The following DPP9 variants were observed in gnomAD, a reference collection of about 807,000 sequenced individuals.
DPP9 encodes the protein dipeptidyl peptidase 9.
A neutral mutation model predicts 110.7 loss-of-function variants in DPP9; 50 were observed. The ratio of observed to expected loss-of-function variants is 0.45; its 90% CI spans 0.36 to 0.57. DPP9 has a LOEUF of 0.57. Ranked by LOEUF, DPP9 falls within the 20% of genes least tolerant of loss-of-function variation. The pLI is 0.00. For missense variants in DPP9, 1,022 were observed against 1,217.9 expected (o/e 0.84, Z 2.39); for synonymous variants, 561 against 514.4 (o/e 1.09, Z -1.23).
chr19:4,688,778 C>T lies in DPP9; in HGVS notation c.1864G>A (p.Ala622Thr). The T allele has an allele frequency of 6.8e-7, 1 of 1,462,148 alleles. No individual in the cohort carries two copies. Among genetic ancestry groups the T allele is most frequent in the Non-Finnish European group, 9.0e-7 (1 of 1,112,578 alleles). The allele number at this position is 1,462,148 out of a possible 1,614,324, so 90.6% of individuals were successfully genotyped here. Residue 622 changes from alanine to threonine, a missense_variant, in exon 16 of 22, where the codon GCT becomes ACT. Ala to Thr is a moderately conservative substitution (Grantham distance 58, BLOSUM62 0). Coordinates refer to ENST00000262960, the MANE Select transcript of DPP9 (RefSeq NM_139159.5). ...DPLHKQPRFW[A>T]SMMEAASCPP... ...TCACTGGCTGCCTCCATCATGCTAGCCCAGAAGCGGGGCTGCTTGTGCAGG... is the reference window on the plus strand; with the variant it reads ...TCACTGGCTGCCTCCATCATGCTAGTCCAGAAGCGGGGCTGCTTGTGCAGG...
At chr19:4,679,316 G>GC (rs2089431135) in intron 21 of DPP9, 1 of 154,858 alleles carries the variant, frequency 6.5e-6, no homozygotes, top group African/African-American at 2.5e-5. Flanking sequence ...CCTAGACTGA[G>GC]CCCCACGTTG....
chr19:4,711,981 A>C (rs2092857216), intron 4 of DPP9, among the ~76,000 whole-genome samples: 1 of 152,002 alleles, frequency 6.6e-6, no homozygotes, highest in Admixed American at 6.6e-5. Context: ...GGCCCTGAGG[A>C]AACCTTGATC....
Position 4,694,800 on chromosome 19 carries a change from G to T in DPP9, c.1377C>A (p.Phe459Leu). Residue 459 changes from phenylalanine to leucine, a missense_variant, in exon 13 of 22, where the codon TTC (phenylalanine) becomes TTA (leucine). Coordinates refer to ENST00000262960, the MANE Select transcript of DPP9 (RefSeq NM_139159.5). The surrounding 1 kb of genome is among the most constrained non-coding windows in gnomAD (Gnocchi z 4.0). ...GCTCGTCCTCTCCCTCTGATTGGGG[G>T]AAGGGATAGAAGATGTCATGAACCT... ...WINVHDIFYP[F>L]PQSEGEDELC... 1 of 1,613,896 alleles carries T rather than the reference G, an allele frequency of 6.2e-7. No individual in the cohort carries two copies. The highest frequency in any genetic ancestry group is 8.5e-7 in the Non-Finnish European group (1 of 1,179,876).
Position 4,685,666 on chromosome 19 carries a change from T to A in DPP9, c.1991A>T (p.Lys664Met). The change falls in exon 17 of 22, where the codon AAG (lysine) becomes ATG (methionine). Residue 664 changes from lysine (K) to methionine (M), a missense_variant. Lys to Met is a moderately conservative substitution (Grantham distance 95). Around this residue, in one of 3 missense-constraint regions of DPP9, gnomAD observed 810 missense variants for 920.6 expected, o/e 0.88. Coordinates refer to ENST00000262960, the MANE Select transcript of DPP9 (RefSeq NM_139159.5). The surrounding 1 kb of genome is among the most constrained non-coding windows in gnomAD (Gnocchi z 5.8). ...IYKPHALQPG[K>M]KHPTVLFVYG... ...TACAAAGAGGACGGTGGGGTGCTTC[T>A]TCCCTGGCTGCAAGGCGTGGGGCTT... The A allele has an allele frequency of 6.2e-7, 1 of 1,612,614 alleles. No individual in the cohort carries two copies. Among genetic ancestry groups the A allele is most frequent in the East Asian group, 2.2e-5 (1 of 44,830 alleles).
rs1287456612 is a variant in DPP9 at position 4,704,296 on chromosome 19, G to A, written c.435C>T (p.Pro145=). 6 of 1,612,434 alleles carry A rather than the reference G, an allele frequency of 3.7e-6. No individual in the cohort carries two copies. The East Asian group carries it at 1.3e-4, about 36-fold the overall frequency. Residue 145 remains proline, a synonymous_variant, in exon 6 of 22, where the codon CCC becomes CCT. Coordinates refer to ENST00000262960, the MANE Select transcript of DPP9 (RefSeq NM_139159.5). This position sits in a 1 kb window ranked among gnomAD's most constrained non-coding sequence, Gnocchi z 6.0. ...CCTCCCGAGAGTAGACCCCATGGTG[G>A]GGCGTGGCCTGGAAACATACAGGGG... ...KQMLDHFQAT[P]HHGVYSREEE...
At chr19:4,707,079 G>C (rs1222319747) in intron 4 of DPP9, among the ~76,000 whole-genome samples, 1 of 152,192 alleles carries the variant, frequency 6.6e-6, no homozygotes, top group African/African-American at 2.4e-5. Context: ...AGCTTCTGTA[G>C]AAAATGACGG....
At chr19:4,707,371 A>G (rs1443145216) in intron 4 of DPP9, among the ~76,000 whole-genome samples, 2 of 152,184 alleles carry the variant, frequency 1.3e-5, no homozygotes, top group African/African-American at 4.8e-5. Flanking sequence ...TGGCAGAAGC[A>G]GGATGGTAAC....
chr19:4,686,782 A>AG (rs1392725764), intron 16 of DPP9, among the ~76,000 whole-genome samples: 3 of 152,134 alleles, frequency 2.0e-5, no homozygotes, highest in Non-Finnish European at 2.9e-5. Context: ...AGGGTACTAC[A>AG]GGTCTAGGGG....
In DPP9 at chr19:4,694,828, C is replaced by T. The variant is rs369148903; in HGVS notation, c.1354-5G>A. On this transcript the variant is annotated splice_region_variant and splice_polypyrimidine_tract_variant and intron_variant, in intron 12 of 21. Coordinates refer to ENST00000262960, the MANE Select transcript of DPP9 (RefSeq NM_139159.5). The surrounding 1 kb of genome is among the most constrained non-coding windows in gnomAD (Gnocchi z 4.0). ...GGGATAGAAGATGTCATGAACCTGT[C>T]CGGAAAGCAGATAGAAGATGCGTCA... 2.5e-5 allele frequency: 41 copies of T among 1,613,422 alleles called. No homozygotes were observed. Among genetic ancestry groups the T allele is most frequent in the Non-Finnish European group, 3.1e-5 (36 of 1,179,756 alleles).
intron 19 of DPP9, chr19:4,683,044 G>A (rs1445106550): frequency 1.1e-5 from 16 of 1,511,970 alleles, no homozygotes; most frequent in South Asian, 8.5e-5. Flanking sequence ...CGCCACAGGC[G>A]GGCAGGTGCG....
chr19:4,702,195 G>A (rs549155603), intron 8 of DPP9, 40 bp from the exon 9 acceptor site: 5 of 1,582,546 alleles, frequency 3.2e-6, no homozygotes, highest in East Asian at 4.5e-5. Flanking sequence ...GGGTGCCAGA[G>A]GCAGAGTCCC....
chr19:4,684,231 C>T lies in DPP9; in HGVS notation c.2178+432G>A. 2 of 272,004 alleles carry T rather than the reference C, an allele frequency of 7.4e-6. No homozygotes were observed. Among genetic ancestry groups the T allele is most frequent in the Non-Finnish European group, 1.4e-5 (2 of 138,862 alleles). 16.8% of individuals were successfully genotyped at this position (272,004 alleles called of 1,614,324 possible). A position where few individuals can be genotyped will look rare whatever the true frequency, so the allele number is the denominator to read the frequency against. ...CTGCCGTGTAGGAAGCAGCACAGGGCCTCTCTGGAGGGTTGCTGACCAGGC... is the reference window on the plus strand; with the variant it reads ...CTGCCGTGTAGGAAGCAGCACAGGGTCTCTCTGGAGGGTTGCTGACCAGGC... On this transcript the variant is annotated intron_variant, in intron 18 of 21. Coordinates refer to ENST00000262960, the MANE Select transcript of DPP9 (RefSeq NM_139159.5). The surrounding 1 kb of genome is among the most constrained non-coding windows in gnomAD (Gnocchi z 4.8).
rs2088803592 is a variant in DPP9 at position 4,676,077 on chromosome 19, T to G, written c.*487A>C. 2 of 160,880 alleles carry G rather than the reference T, an allele frequency of 1.2e-5. No homozygotes were observed. Among genetic ancestry groups the G allele is most frequent in the Non-Finnish European group, 2.7e-5 (2 of 73,332 alleles). The allele number at this position is 160,880 out of a possible 1,614,324, so 10.0% of individuals were successfully genotyped here. A position where few individuals can be genotyped will look rare whatever the true frequency, so the allele number is the denominator to read the frequency against. ...CGTGAGCCACCGCGCCCGGCCTGTC[T>G]TTTAAATAATTATGAAAAATATCCC... On this transcript the variant is annotated 3_prime_UTR_variant, in exon 22 of 22. Transcript: ENST00000262960. The surrounding 1 kb of genome is among the most constrained non-coding windows in gnomAD (Gnocchi z 4.0).
intron 11 of DPP9, among the ~76,000 whole-genome samples, chr19:4,696,550 C>T (rs1188218750): frequency 4.0e-5 from 6 of 151,826 alleles, no homozygotes; most frequent in Admixed American, 6.6e-5. Context: ...CACAAGGTCA[C>T]GAGTTTGAGA....
chr19:4,688,617 T>A (rs1320571028), intron 16 of DPP9, 140 bp downstream of exon 16: 1 of 1,106,270 alleles, frequency 9.0e-7, no homozygotes, highest in East Asian at 3.2e-5. Flanking sequence ...AGTTCCCAGA[T>A]GCTTGGAGGG....
chr19:4,711,584 C>A (rs1192461795), intron 4 of DPP9, among the ~76,000 whole-genome samples: 1 of 151,754 alleles, frequency 6.6e-6, no homozygotes, highest in Non-Finnish European at 1.5e-5. Context: ...ACCAGCCTGG[C>A]CAACATGGAG....
intron 10 of DPP9, among the ~76,000 whole-genome samples, chr19:4,699,917 C>A (rs980736181): frequency 6.6e-6 from 1 of 152,336 alleles, no homozygotes; most frequent in South Asian, 2.1e-4. Flanking sequence ...GGCCTGGGAG[C>A]ACCTGCCGCG....
At chr19:4,678,477 C>G (rs1277246803) in intron 21 of DPP9, among the ~76,000 whole-genome samples, 3 of 152,216 alleles carry the variant, frequency 2.0e-5, no homozygotes, top group Non-Finnish European at 4.4e-5. Context: ...TTATCATGAC[C>G]GTTTCAAAGA....
In DPP9 at chr19:4,710,132, C is replaced by T. The variant is rs1279571925; in HGVS notation, c.313+3949G>A. On this transcript the variant is annotated intron_variant, in intron 4 of 21. Transcript: ENST00000262960. The surrounding 1 kb of genome is among the most constrained non-coding windows in gnomAD (Gnocchi z 5.6). ...CACCAGCTCTGCCCCTGCAAACACA[C>T]CTGATGCCAACCTGTCACCCACCCA... Among the ~76,000 whole-genome samples, 1 of 152,214 alleles carries T rather than the reference C, an allele frequency of 6.6e-6. No homozygotes were observed. Among genetic ancestry groups the T allele is most frequent in the African/African-American group, 2.4e-5 (1 of 41,458 alleles).
Sources: gnomAD v4.1 joint callset for allele counts (sites outside exome capture counted in the v4.1 genomes callset) on GRCh38, gnomAD v4.1.1 for gene constraint, gnomAD v4.1.1 regional missense constraint, Gnocchi (gnomAD v3.1) non-coding constraint, MANE v1.5 for transcripts, NCBI Gene and HGNC (gene_info 2026-07-23, HGNC 2026-07-21) for gene names.